NLGN1: variants seen among roughly 807,000 people sequenced by gnomAD.
NLGN1 encodes neuroligin 1.
Under a neutral mutation model 65.5 loss-of-function variants are expected in NLGN1, and 12 were observed. The ratio of observed to expected loss-of-function variants is 0.18; its 90% confidence interval spans 0.12 to 0.30. NLGN1 has a LOEUF of 0.30. NLGN1 is among the 10% of genes least tolerant of loss of function. NLGN1 has a pLI of 1.00. For synonymous variants in NLGN1, 350 were observed against 359.5 expected (o/e 0.97, Z 0.30); for missense variants, 750 against 1,007.1 (o/e 0.74, Z 3.46).
chr3:173,470,580 T>C (rs1473468463), intron 2 of NLGN1, among the ~76,000 whole-genome samples: 3 of 152,098 alleles, frequency 2.0e-5, no homozygotes, highest in Non-Finnish European at 4.4e-5. Context: ...TTCTCTTTTC[T>C]TCTGTTTGTT....
intron 2 of NLGN1, among the ~76,000 whole-genome samples, chr3:173,458,785 T>C (rs1722909419): frequency 6.6e-6 from 1 of 152,170 alleles, no homozygotes. Context: ...GGTTGTTTAA[T>C]TCAGCAATTC....
chr3:173,750,815 C>T (rs73880568), intron 3 of NLGN1, among the ~76,000 whole-genome samples: 427 of 152,112 alleles, frequency 2.8e-3, no homozygotes, highest in African/African-American at 9.7e-3. Flanking sequence ...GGTCTAAACT[C>T]CAGCTCTGTT....
intron 4 of NLGN1, among the ~76,000 whole-genome samples, chr3:173,999,873 A>G (rs1414008057): frequency 6.6e-6 from 1 of 152,182 alleles, no homozygotes; most frequent in Non-Finnish European, 1.5e-5. Context: ...TCAAAGTACA[A>G]CAGCATTTTC....
At chr3:173,610,195 G>T (rs1478982416) in intron 3 of NLGN1, among the ~76,000 whole-genome samples, 1 of 151,868 alleles carries the variant, frequency 6.6e-6, no homozygotes, top group African/African-American at 2.4e-5. Flanking sequence ...TGATCAATTT[G>T]CTGTGGGCTG....
At chr3:173,901,255 A>G (rs1443308862) in intron 4 of NLGN1, among the ~76,000 whole-genome samples, 3 of 151,914 alleles carry the variant, frequency 2.0e-5, no homozygotes, top group African/African-American at 7.2e-5. Context: ...TAATCCTGTA[A>G]CTGCAGGAAG....
chr3:174,251,142 A>G (rs370377431), intron 4 of NLGN1, among the ~76,000 whole-genome samples: 2 of 152,242 alleles, frequency 1.3e-5, no homozygotes, highest in African/African-American at 4.8e-5. Context: ...TGCTATATTT[A>G]TAACTGTAAA....
intron 4 of NLGN1, among the ~76,000 whole-genome samples, chr3:174,225,778 A>AG (rs1687451589): frequency 6.6e-6 from 1 of 152,070 alleles, no homozygotes. Context: ...AGAAATGCTA[A>AG]GGGGGAGGAA....
chr3:173,666,742 A>G (rs929468720), intron 3 of NLGN1, among the ~76,000 whole-genome samples: 9 of 152,202 alleles, frequency 5.9e-5, no homozygotes, highest in African/African-American at 1.7e-4. Context: ...TTGCATGAAT[A>G]CTAACTAAAA....
intron 2 of NLGN1, among the ~76,000 whole-genome samples, chr3:173,511,781 T>G (rs1037225927): frequency 4.6e-5 from 7 of 152,222 alleles, no homozygotes; most frequent in Non-Finnish European, 1.0e-4. Flanking sequence ...GAAGGCACTT[T>G]TTATCTTAAT....
intron 4 of NLGN1, among the ~76,000 whole-genome samples, chr3:173,827,759 G>A (rs1334908500): frequency 6.6e-6 from 1 of 151,924 alleles, no homozygotes; most frequent in Non-Finnish European, 1.5e-5. Flanking sequence ...TGGAGAACCA[G>A]ACAGAGAAGC....
At chr3:173,985,926 G>A (rs901172737) in intron 4 of NLGN1, among the ~76,000 whole-genome samples, 5 of 151,912 alleles carry the variant, frequency 3.3e-5, no homozygotes, top group African/African-American at 4.8e-5. Context: ...CTCCAGCCTG[G>A]GCAACAGAGA....
chr3:173,949,418 G>A (rs1326099568), intron 4 of NLGN1, among the ~76,000 whole-genome samples: 1 of 152,042 alleles, frequency 6.6e-6, no homozygotes, highest in Non-Finnish European at 1.5e-5. Flanking sequence ...ATCTTCTTAC[G>A]TGATTTGGGG....
At chr3:174,111,154 G>A (rs1052193514) in intron 4 of NLGN1, among the ~76,000 whole-genome samples, 14 of 151,870 alleles carry the variant, frequency 9.2e-5, no homozygotes, top group Admixed American at 5.9e-4. Context: ...TTTACATTTT[G>A]CTAACTACTA....
At chr3:173,515,584 A>T (rs1249799412) in intron 2 of NLGN1, among the ~76,000 whole-genome samples, 3 of 152,024 alleles carry the variant, frequency 2.0e-5, no homozygotes, top group Non-Finnish European at 4.4e-5. Flanking sequence ...ATGAAGTTTT[A>T]CCCAGTGTTT....
intron 3 of NLGN1, among the ~76,000 whole-genome samples, chr3:173,651,040 T>C (rs536578603): frequency 6.6e-6 from 1 of 152,122 alleles, no homozygotes. Flanking sequence ...TTGAATAATA[T>C]ACATTGTATC....
At chr3:174,134,657 C>T (rs935303937) in intron 4 of NLGN1, among the ~76,000 whole-genome samples, 1 of 152,004 alleles carries the variant, frequency 6.6e-6, no homozygotes, top group African/African-American at 2.4e-5. Context: ...TTCTACATAG[C>T]CCCCCAAAAG....
At chr3:173,850,189 T>C (rs1726620023) in intron 4 of NLGN1, among the ~76,000 whole-genome samples, 1 of 152,234 alleles carries the variant, frequency 6.6e-6, no homozygotes, top group Non-Finnish European at 1.5e-5. Context: ...TGACATAAAA[T>C]TTTACATAAA....
At chr3:173,928,612 C>G (rs117065745) in intron 4 of NLGN1, among the ~76,000 whole-genome samples, 1 of 151,614 alleles carries the variant, frequency 6.6e-6, no homozygotes, top group East Asian at 1.9e-4. Flanking sequence ...TGAGGTCTCT[C>G]TGTCTCCCTT....
At chr3:173,757,249 T>C (rs115778137) in intron 3 of NLGN1, among the ~76,000 whole-genome samples, 372 of 152,174 alleles carry the variant, frequency 2.4e-3, no homozygotes, top group African/African-American at 8.7e-3. Context: ...CTTGATCCAT[T>C]GTCTAATCTC....
Sources: allele counts gnomAD v4.1 joint callset (sites outside exome capture counted in the v4.1 genomes callset), GRCh38; gene constraint gnomAD v4.1.1; transcripts MANE v1.5; gene names NCBI Gene and HGNC (gene_info 2026-07-23, HGNC 2026-07-21).